LRRC49: variants seen among roughly 807,000 people sequenced by gnomAD.
The protein encoded by LRRC49 is leucine rich repeat containing 49.
LRRC49 carries 50 observed loss-of-function variants against 83.3 expected under a neutral mutation model. The ratio of observed to expected loss-of-function variants is 0.60; its 90% CI spans 0.48 to 0.76. The LOEUF is 0.76. LRRC49 is among the 30% of genes least tolerant of loss of function. LRRC49 has a pLI of 0.00. For missense variants in LRRC49, 704 were observed against 809.1 expected, an observed-to-expected ratio of 0.87 and a Z score of 1.58; for synonymous variants, 286 against 283.3, an observed-to-expected ratio of 1.01 and a Z score of -0.10.
Position 71,009,790 on chromosome 15 carries a change from G to A in LRRC49, c.1408-17G>A. 2 of 1,572,104 alleles carry A rather than the reference G, an allele frequency of 1.3e-6. No homozygotes were observed. Among genetic ancestry groups the A allele is most frequent in the Non-Finnish European group, 1.7e-6 (2 of 1,147,592 alleles). On this transcript the variant is annotated splice_polypyrimidine_tract_variant and intron_variant, in intron 12 of 15. Coordinates refer to ENST00000260382, the MANE Select transcript of LRRC49 (RefSeq NM_017691.5). ...AAAATCAATGTTCTGATCTGTATTT[G>A]TGTTTTATCATTGCAGCACCTTAAA...
chr15:71,031,915 C>G (rs2039366420), intron 14 of LRRC49, among the ~76,000 whole-genome samples: 1 of 152,132 alleles, frequency 6.6e-6, no homozygotes, highest in Non-Finnish European at 1.5e-5. Flanking sequence ...GCCGGTGGTT[C>G]TTAGCTTGCT....
intron 11 of LRRC49, among the ~76,000 whole-genome samples, chr15:71,002,538 A>AT (rs542868413): frequency 7.0e-4 from 106 of 152,264 alleles, no homozygotes; most frequent in Non-Finnish European, 1.1e-3. Flanking sequence ...CATTGGATGC[A>AT]TGCAGTGAAG....
At chr15:70,984,529 T>C (rs1567083430) in intron 11 of LRRC49, 1 of 227,664 alleles carries the variant, frequency 4.4e-6, no homozygotes, top group Non-Finnish European at 8.4e-6. Flanking sequence ...CTTCATCTCT[T>C]TTATCTCATG....
At chr15:70,858,137 T>C (rs1048949899) in intron 1 of LRRC49, among the ~76,000 whole-genome samples, 1 of 152,196 alleles carries the variant, frequency 6.6e-6, no homozygotes, top group Non-Finnish European at 1.5e-5. Flanking sequence ...CATTGTAAAT[T>C]AATAAATCAG....
chr15:70,901,037 T>C lies in LRRC49; in HGVS notation c.296+13T>C. The C allele has an allele frequency of 1.3e-6, 2 of 1,501,174 alleles. No homozygotes were observed. Among genetic ancestry groups the C allele is most frequent in the East Asian group, 2.3e-5 (1 of 44,130 alleles). The allele number at this position is 1,501,174 out of a possible 1,614,324, so 93.0% of individuals were successfully genotyped here. A position where few individuals can be genotyped will look rare whatever the true frequency, so the allele number is the denominator to read the frequency against. On this transcript the variant is annotated intron_variant, in intron 4 of 15. Transcript: ENST00000260382. ...TGAGCCTAGAAAGGTGAGGACAATTTCTTTTCTTTTCTTTTTTTTGACTAG... is the reference window on the plus strand; with the variant it reads ...TGAGCCTAGAAAGGTGAGGACAATTCCTTTTCTTTTCTTTTTTTTGACTAG...
intron 8 of LRRC49, among the ~76,000 whole-genome samples, chr15:70,938,705 C>T (rs1347248521): frequency 6.6e-6 from 1 of 152,114 alleles, no homozygotes; most frequent in Non-Finnish European, 1.5e-5. Flanking sequence ...TCTTCTATAT[C>T]CTGGCATAAT....
At chr15:70,871,430 C>T (rs369618870) in intron 1 of LRRC49, among the ~76,000 whole-genome samples, 1 of 152,230 alleles carries the variant, frequency 6.6e-6, no homozygotes, top group South Asian at 2.1e-4. Flanking sequence ...ACAAAACCCC[C>T]ATCGTCATCA....
intron 1 of LRRC49, among the ~76,000 whole-genome samples, chr15:70,864,483 C>T (rs2032868224): frequency 6.6e-6 from 1 of 152,146 alleles, no homozygotes; most frequent in South Asian, 2.1e-4. Context: ...AGCATTCTGG[C>T]TCCAGGCTGC....
intron 1 of LRRC49, chr15:70,854,237 GCGCCGC>G (rs917152667): frequency 5.7e-5 from 22 of 387,992 alleles, no homozygotes; most frequent in Middle Eastern, 1.2e-3. Context: ...GCCCCGCCCC[GCGCCGC>G]CGCCGCCGCC....
At chr15:70,948,495 GTTT>G (rs34256149) in intron 8 of LRRC49, among the ~76,000 whole-genome samples, 2 of 140,736 alleles carry the variant, frequency 1.4e-5, no homozygotes, top group African/African-American at 2.7e-5. Context: ...CATTAGCAAA[GTTT>G]TTTTTTTTTT....
rs112906446 is a variant in LRRC49, at chr15:70,922,622, G to A, written c.711+3429G>A. Among the ~76,000 whole-genome samples, 377 of 151,984 alleles carry A rather than the reference G, an allele frequency of 2.5e-3. 2 individuals are homozygous for A. The highest frequency in any genetic ancestry group is 8.7e-3 in the African/African-American group (360 of 41,470). On this transcript the variant is annotated intron_variant, in intron 7 of 15. Transcript: ENST00000260382. ...AACCTACCATTTGATAGCACAATAG[G>A]GTGACTATAGTCAATAATAAATTAA...
intron 8 of LRRC49, among the ~76,000 whole-genome samples, chr15:70,956,288 C>T (rs1567069164): frequency 1.3e-5 from 2 of 151,922 alleles, no homozygotes; most frequent in South Asian, 2.1e-4. Context: ...GAATTTTGGT[C>T]AGTAGGGACA....
At chr15:71,024,715 G>A (rs2039105748) in intron 14 of LRRC49, among the ~76,000 whole-genome samples, 1 of 151,560 alleles carries the variant, frequency 6.6e-6, no homozygotes, top group African/African-American at 2.4e-5. Flanking sequence ...TCCTCCAAAT[G>A]ATCACAACAC....
intron 8 of LRRC49, among the ~76,000 whole-genome samples, chr15:70,943,532 T>C (rs1264621993): frequency 6.6e-6 from 1 of 152,180 alleles, no homozygotes; most frequent in Non-Finnish European, 1.5e-5. Context: ...CCCTGATTCT[T>C]CCCTTGCAGT....
chr15:71,027,509 A>G (rs1212208977), intron 14 of LRRC49, among the ~76,000 whole-genome samples: 2 of 152,210 alleles, frequency 1.3e-5, no homozygotes, highest in Non-Finnish European at 2.9e-5. Context: ...TGGGAATAGC[A>G]TTGAATCTAT....
At chr15:70,945,661 A>G (rs1456838949) in intron 8 of LRRC49, among the ~76,000 whole-genome samples, 2 of 151,046 alleles carry the variant, frequency 1.3e-5, no homozygotes, top group African/African-American at 4.9e-5. Flanking sequence ...GTAGGACTGA[A>G]ACTCAGCTTG....
intron 1 of LRRC49, among the ~76,000 whole-genome samples, chr15:70,858,222 C>G (rs2032698130): frequency 6.6e-6 from 1 of 152,210 alleles, no homozygotes; most frequent in African/African-American, 2.4e-5. Context: ...CCAACCTAAT[C>G]CTGAATACAC....
chr15:71,039,922 T>C (rs191135883), intron 15 of LRRC49, among the ~76,000 whole-genome samples: 1 of 152,328 alleles, frequency 6.6e-6, no homozygotes, highest in Non-Finnish European at 1.5e-5. Context: ...ATGTTTTCAA[T>C]ACAGACAGCA....
At chr15:70,942,901 C>T (rs538508928) in intron 8 of LRRC49, among the ~76,000 whole-genome samples, 1 of 152,268 alleles carries the variant, frequency 6.6e-6, no homozygotes, top group East Asian at 1.9e-4. Context: ...AAAATATCTA[C>T]GTGATTGTAT....
Sources: allele counts gnomAD v4.1 joint callset (sites outside exome capture counted in the v4.1 genomes callset), GRCh38; gene constraint gnomAD v4.1.1; transcripts MANE v1.5; gene names NCBI Gene and HGNC (gene_info 2026-07-23, HGNC 2026-07-21).